LMO7: variants seen among roughly 807,000 people sequenced by gnomAD.
LMO7 encodes the protein LIM domain 7, also known as LIM domain only protein 7.
Under a neutral mutation model 206.5 loss-of-function variants are expected in LMO7, and 120 were observed. The ratio of observed to expected loss-of-function variants is 0.58; its 90% CI spans 0.50 to 0.68. LMO7 has a LOEUF of 0.68. Among genes scored for constraint, LMO7 ranks in the 30% least tolerant of loss-of-function variants. The pLI is 0.00. For synonymous variants in LMO7, 706 were observed against 681.5 expected (o/e 1.04, Z -0.56); for missense variants, 1,959 against 1,957.9 (o/e 1.00, Z -0.01).
intron 2 of LMO7, among the ~76,000 whole-genome samples, chr13:75,713,518 C>A (rs771955366): frequency 6.6e-6 from 1 of 151,974 alleles, no homozygotes; most frequent in Non-Finnish European, 1.5e-5. Flanking sequence ...GCATGGTGGG[C>A]CAGTGGGGGG....
chr13:75,697,034 G>C (rs2041957544), intron 1 of LMO7, among the ~76,000 whole-genome samples: 1 of 152,150 alleles, frequency 6.6e-6, no homozygotes, highest in South Asian at 2.1e-4. Flanking sequence ...CATGTGCACG[G>C]GTTGGAACTA....
At chr13:75,823,392 A>G (rs1000004623) in intron 14 of LMO7, among the ~76,000 whole-genome samples, 173 bp from the exon 15 acceptor site, 1 of 152,138 alleles carries the variant, frequency 6.6e-6, no homozygotes, top group African/African-American at 2.4e-5. Context: ...ATTTTCCCTC[A>G]CTACGTGTTT....
chr13:75,857,934 C>T lies in LMO7; in HGVS notation c.4887C>T (p.Thr1629=), dbSNP rs148908916. 563 of 1,601,716 alleles carry T rather than the reference C, an allele frequency of 3.5e-4. 3 individuals carry two copies. In the East Asian group the frequency reaches 0.011, roughly 32 times the overall value. The part of the protein sequence containing the change: ...CYLRFKSGRP[T]AM The stretch of plus-strand genomic sequence containing the variant: ...TTGCCCGATCAGCTGGACGGCCAAC[C>T]GCCATGTGATGTAAGCCTCCATACG... The change falls in exon 31 of 31, where the codon ACC becomes ACT. Residue 1629 remains threonine, a synonymous_variant. Transcript: ENST00000377534.
chr13:75,760,109 C>T (rs930239244), intron 3 of LMO7, among the ~76,000 whole-genome samples: 1 of 151,634 alleles, frequency 6.6e-6, no homozygotes, highest in African/African-American at 2.4e-5. Flanking sequence ...ATTCTGGTAA[C>T]CAAATGTATG....
At chr13:75,679,154 A>G (rs1274443837) in intron 1 of LMO7, among the ~76,000 whole-genome samples, 1 of 152,214 alleles carries the variant, frequency 6.6e-6, no homozygotes, top group Non-Finnish European at 1.5e-5. Flanking sequence ...CACCTTGTAT[A>G]TAAGAAACAT....
intron 1 of LMO7, among the ~76,000 whole-genome samples, chr13:75,699,874 G>A (rs945197974): frequency 2.0e-5 from 3 of 152,212 alleles, no homozygotes; most frequent in African/African-American, 7.2e-5. Context: ...GCCTGGGGGC[G>A]CTGCAGGAGA....
At chr13:75,804,583 G>A (rs1376531120) in intron 8 of LMO7, 42 bp downstream of exon 8, 2 of 1,587,980 alleles carry the variant, frequency 1.3e-6, no homozygotes, top group Middle Eastern at 1.7e-4. Flanking sequence ...TATGCTTTTC[G>A]AATATGGTAG....
intron 12 of LMO7, among the ~76,000 whole-genome samples, chr13:75,818,972 A>G (rs568312375): frequency 6.6e-6 from 1 of 152,194 alleles, no homozygotes; most frequent in South Asian, 2.1e-4. Context: ...GAAAGAGACT[A>G]TGCATCTGCG....
chr13:75,804,688 T>C (rs569481063), intron 8 of LMO7, 147 bp downstream of exon 8: 231 of 1,148,962 alleles, frequency 2.0e-4, no homozygotes, highest in Non-Finnish European at 2.7e-4. Flanking sequence ...CCCTCTATTT[T>C]TAGTTATACA....
Position 75,805,508 on chromosome 13 carries a change from T to A in LMO7, c.944T>A (p.Val315Glu). ...SNQRRIWGTN[V>E]ENWPTVQGTS... ...CAGAGGAGGATTTGGGGCACCAATGTGGAGAACTGGCCAACTGTACAAGGA... is the reference window on the plus strand; with the variant it reads ...CAGAGGAGGATTTGGGGCACCAATGAGGAGAACTGGCCAACTGTACAAGGA... The change falls in exon 9 of 31, where the codon GTG (valine) becomes GAG (glutamate). Residue 315 changes from valine to glutamate, a missense_variant. Physicochemically the swap from Val to Glu is moderately radical, Grantham distance 121 (BLOSUM62 -2). Coordinates refer to ENST00000377534, the MANE Select transcript of LMO7 (RefSeq NM_001306080.2). 6.2e-7 allele frequency: 1 copy of A among 1,613,998 alleles called. No homozygotes were observed. The highest frequency in any genetic ancestry group is 1.3e-5 in the African/African-American group (1 of 75,060).
intron 11 of LMO7, among the ~76,000 whole-genome samples, chr13:75,809,615 C>A (rs538434916): frequency 1.1e-4 from 17 of 152,222 alleles, no homozygotes; most frequent in Non-Finnish European, 2.1e-4. Flanking sequence ...GTTTAGAATA[C>A]ACCCAGTTGA....
At chr13:75,835,479 A>C in intron 18 of LMO7, 140 bp downstream of exon 18, 1 of 557,202 alleles carries the variant, frequency 1.8e-6, no homozygotes, top group Non-Finnish European at 3.0e-6. Flanking sequence ...TGTAAATTAT[A>C]GTAAAGAGAT....
intron 2 of LMO7, among the ~76,000 whole-genome samples, chr13:75,625,285 ATTC>A (rs1233630501): frequency 6.6e-6 from 1 of 152,188 alleles, no homozygotes; most frequent in Admixed American, 6.5e-5. Context: ...TTCTTCTCAT[ATTC>A]TTCTGATTAT....
intron 3 of LMO7, among the ~76,000 whole-genome samples, chr13:75,752,181 G>A (rs1240516099): frequency 6.6e-6 from 1 of 151,798 alleles, no homozygotes; most frequent in African/African-American, 2.4e-5. Context: ...ACCCAGGCTG[G>A]AGTGCAATGG....
At chr13:75,626,594 A>C (rs12868160) in intron 2 of LMO7, among the ~76,000 whole-genome samples, 7,507 of 62,126 alleles carry the variant, frequency 0.12, 1,231 homozygotes, top group Non-Finnish European at 0.21. Flanking sequence ...TATATATATA[A>C]ATTTTTTTGA....
intron 14 of LMO7, among the ~76,000 whole-genome samples, chr13:75,822,429 A>G (rs946605961): frequency 2.6e-5 from 4 of 152,162 alleles, no homozygotes; most frequent in Admixed American, 2.0e-4. Context: ...AAGACAATAT[A>G]TAGACTCAGA....
intron 2 of LMO7, among the ~76,000 whole-genome samples, chr13:75,715,648 A>G (rs1376222449): frequency 1.3e-5 from 2 of 152,234 alleles, no homozygotes; most frequent in Non-Finnish European, 2.9e-5. Context: ...TAAATTGTGA[A>G]TCACGTTGTT....
intron 1 of LMO7, among the ~76,000 whole-genome samples, chr13:75,681,704 G>GTC (rs2040497710): frequency 1.2e-5 from 1 of 82,976 alleles, no homozygotes; most frequent in Non-Finnish European, 2.8e-5. Flanking sequence ...ATGTATGTAT[G>GTC]TGTATATATA....
At chr13:75,845,408 T>G (rs778274112) in intron 26 of LMO7, 29 bp downstream of exon 26, 1 of 1,396,996 alleles carries the variant, frequency 7.2e-7, no homozygotes, top group Middle Eastern at 1.8e-4. Context: ...CCCAAACTCC[T>G]TCAGAGTTGC....
Sources: gnomAD v4.1 joint callset for allele counts (sites outside exome capture counted in the v4.1 genomes callset) on GRCh38, gnomAD v4.1.1 for gene constraint, MANE v1.5 for transcripts, NCBI Gene and HGNC (gene_info 2026-07-23, HGNC 2026-07-21) for gene names.